GRM3: variants seen among roughly 807,000 people sequenced by gnomAD.
GRM3 encodes glutamate metabotropic receptor 3.
In GRM3, 26 loss-of-function variants were observed where a neutral mutation model predicts 70.5. The observed-to-expected ratio is 0.37, with a 90% CI of 0.27 to 0.51. GRM3 has a LOEUF of 0.51. Among genes scored for constraint, GRM3 ranks in the 20% least tolerant of loss-of-function variants. The pLI is 0.93. For synonymous variants in GRM3, 443 were observed against 434.9 expected (o/e 1.02, Z -0.23); for missense variants, 859 against 1,123.8 (o/e 0.76, Z 3.37).
At chr7:86,775,358 C>T (rs942463547) in intron 2 of GRM3, 4 of 151,950 alleles carry the variant, frequency 2.6e-5, no homozygotes, top group Non-Finnish European at 4.4e-5. Flanking sequence ...CAAGTAGGCT[C>T]CATTTGTTTT....
At chr7:86,829,640 C>G (rs1346630810) in intron 3 of GRM3, among the ~76,000 whole-genome samples, 1 of 152,064 alleles carries the variant, frequency 6.6e-6, no homozygotes, top group Non-Finnish European at 1.5e-5. Context: ...AATGGCCAGT[C>G]AGTGAAGCAA....
chr7:86,765,369 C>T lies in GRM3; in HGVS notation c.224C>T (p.Ala75Val), dbSNP rs201158915. Residue 75 changes from alanine to valine, a missense_variant, in exon 2 of 6, where the codon GCT (alanine) becomes GTT (valine). By Grantham distance (64) the Ala-to-Val change is moderately conservative. Transcript: ENST00000361669. The part of the protein sequence containing the change: ...GIQRLEAMLF[A>V]IDEINKDDYL... ...CAACGCCTGGAAGCCATGTTGTTTG[C>T]TATTGATGAAATCAACAAAGATGAT... 1.9e-6 allele frequency: 3 copies of T among 1,613,896 alleles called. No homozygotes were observed. The highest frequency in any genetic ancestry group is 2.5e-6 in the Non-Finnish European group (3 of 1,179,882).
At chr7:86,698,770 A>C (rs576073047) in intron 1 of GRM3, among the ~76,000 whole-genome samples, 3 of 152,086 alleles carry the variant, frequency 2.0e-5, no homozygotes, top group South Asian at 4.1e-4. Flanking sequence ...CCTTAAGAAC[A>C]CTTTCCCAGA....
intron 1 of GRM3, among the ~76,000 whole-genome samples, chr7:86,720,229 G>A (rs1180480960): frequency 6.6e-6 from 1 of 151,938 alleles, no homozygotes; most frequent in Non-Finnish European, 1.5e-5. Flanking sequence ...AGGCTTTTAC[G>A]ATAATTCCAG....
rs1049627857 is a variant in GRM3, at chr7:86,702,055, TTTTA to T, written c.-141+57195_-141+57198del. ...ACCTACATCATCTTAAGAAGTCCTT[TTTTA>T]TTTATTTATTTCGTTGTACACATGT... On this transcript the variant is annotated intron_variant, in intron 1 of 5. Coordinates refer to ENST00000361669, the MANE Select transcript of GRM3 (RefSeq NM_000840.3). Among the ~76,000 whole-genome samples, 4 of 152,142 alleles carry T rather than the reference TTTTA, an allele frequency of 2.6e-5. 1 individual carries two copies. The highest frequency in any genetic ancestry group is 7.2e-5 in the African/African-American group (3 of 41,542).
intron 1 of GRM3, among the ~76,000 whole-genome samples, chr7:86,670,964 A>G (rs986225696): frequency 1.3e-5 from 2 of 152,130 alleles, no homozygotes; most frequent in African/African-American, 2.4e-5. Flanking sequence ...CAAAAATCCT[A>G]CTTGTCCTTG....
At chr7:86,782,709 C>A (rs541476239) in intron 2 of GRM3, among the ~76,000 whole-genome samples, 20 of 152,274 alleles carry the variant, frequency 1.3e-4, no homozygotes, top group Middle Eastern at 6.8e-3. Context: ...CTTCTAACAC[C>A]AAAATCCCCC....
In GRM3 at chr7:86,786,825, A is replaced by G. The variant is rs756450196; in HGVS notation, c.1033A>G (p.Asn345Asp). Residue 345 changes from asparagine (N) to aspartate (D), a missense_variant, in exon 3 of 6, where the codon AAC becomes GAC. Transcript: ENST00000361669. This position sits in a 1 kb window ranked among gnomAD's most constrained non-coding sequence, Gnocchi z 6.0. ...RYFQSLNPYNNHRNPWFRDFW... is the reference protein window; with the variant it reads ...RYFQSLNPYNDHRNPWFRDFW... ...CTTCCAGAGCCTCAACCCCTACAAC[A>G]ACCACCGCAACCCCTGGTTCCGGGA... 1 of 1,613,950 alleles carries G rather than the reference A, an allele frequency of 6.2e-7. No homozygotes were observed. Among genetic ancestry groups the G allele is most frequent in the African/African-American group, 1.3e-5 (1 of 74,900 alleles).
chr7:86,666,804 T>G (rs1460137095), intron 1 of GRM3, among the ~76,000 whole-genome samples: 1 of 152,088 alleles, frequency 6.6e-6, no homozygotes, highest in Non-Finnish European at 1.5e-5. Context: ...CAACCCCTGG[T>G]GAGCAGGTTC....
intron 3 of GRM3, among the ~76,000 whole-genome samples, chr7:86,816,837 G>C (rs539400057): frequency 6.6e-6 from 1 of 151,836 alleles, no homozygotes; most frequent in African/African-American, 2.4e-5. Context: ...TAAGATTTAC[G>C]AGTCTGTATT....
intron 1 of GRM3, among the ~76,000 whole-genome samples, chr7:86,698,133 A>C (rs1284967810): frequency 6.6e-6 from 1 of 152,138 alleles, no homozygotes; most frequent in Non-Finnish European, 1.5e-5. Context: ...TCCATTTTCT[A>C]TAGCAGCAAA....
intron 3 of GRM3, among the ~76,000 whole-genome samples, chr7:86,814,507 C>G (rs1187383314): frequency 6.6e-6 from 1 of 151,720 alleles, no homozygotes; most frequent in East Asian, 1.9e-4. Flanking sequence ...AAAAAGACTA[C>G]TAGAGGATGT....
chr7:86,657,124 A>G (rs1448281246), intron 1 of GRM3, among the ~76,000 whole-genome samples: 2 of 152,184 alleles, frequency 1.3e-5, no homozygotes, highest in African/African-American at 2.4e-5. Context: ...AACTTTATAT[A>G]AAAGTTTAAA....
At chr7:86,678,091 A>G (rs1794350727) in intron 1 of GRM3, among the ~76,000 whole-genome samples, 1 of 152,012 alleles carries the variant, frequency 6.6e-6, no homozygotes, top group African/African-American at 2.4e-5. Flanking sequence ...TAGAAATATG[A>G]ATTTGGTTCT....
In GRM3 at chr7:86,773,869, A is replaced by G. The variant is rs529640802; in HGVS notation, c.468+8256A>G. ...TTTCTTAATTAATTCCCCTTCTGTC[A>G]TGTATTTATTTGGAAACTACTCTAC... is the stretch of plus-strand genomic sequence containing the variant. On this transcript the variant is annotated intron_variant, in intron 2 of 5. Coordinates refer to ENST00000361669, the MANE Select transcript of GRM3 (RefSeq NM_000840.3). 6.6e-5 allele frequency among the ~76,000 whole-genome samples: 10 copies of G among 152,074 alleles called. 1 individual carries two copies. The South Asian group carries it at 1.7e-3, about 25-fold the overall frequency.
intron 1 of GRM3, among the ~76,000 whole-genome samples, chr7:86,739,757 GA>G (rs1368549015): frequency 2.6e-5 from 4 of 152,258 alleles, no homozygotes; most frequent in African/African-American, 9.6e-5. Flanking sequence ...GCACCTTTTG[GA>G]AACTTAAAAG....
At chr7:86,712,887 C>T (rs1795230696) in intron 1 of GRM3, among the ~76,000 whole-genome samples, 2 of 152,024 alleles carry the variant, frequency 1.3e-5, no homozygotes, top group Admixed American at 6.6e-5. Context: ...CATTGTTGGG[C>T]ACTCAGTTAA....
At chr7:86,856,452 C>CAAAAAA (rs572172399) in intron 5 of GRM3, among the ~76,000 whole-genome samples, 1 of 67,580 alleles carries the variant, frequency 1.5e-5, no homozygotes, top group Non-Finnish European at 3.3e-5. Context: ...TCGCCCTCTG[C>CAAAAAA]AAAAAAAAAA....
intron 3 of GRM3, among the ~76,000 whole-genome samples, chr7:86,787,532 T>C: frequency 6.6e-6 from 1 of 151,504 alleles, no homozygotes; most frequent in East Asian, 1.9e-4. Flanking sequence ...AGCAAAAGAA[T>C]CTCATAACTT....
Sources: gnomAD v4.1 joint callset for allele counts (sites outside exome capture counted in the v4.1 genomes callset) on GRCh38, gnomAD v4.1.1 for gene constraint, Gnocchi (gnomAD v3.1) non-coding constraint, MANE v1.5 for transcripts, NCBI Gene and HGNC (gene_info 2026-07-23, HGNC 2026-07-21) for gene names.